Variants in RASL12 observed in about 807,000 individuals in gnomAD.
RASL12 encodes the protein ras-like protein family member 12.
A neutral mutation model predicts 22.9 loss-of-function variants in RASL12; 16 were observed. The ratio of observed to expected loss-of-function variants is 0.70; its 90% CI spans 0.47 to 1.06. The LOEUF (loss-of-function observed/expected upper bound fraction) is 1.06, where lower values mean the gene tolerates loss of function less well. Among genes scored for constraint, RASL12 ranks in the 50% least tolerant of loss-of-function variants. RASL12 has a pLI of 0.00. For missense variants in RASL12, 306 were observed against 353.1 expected (o/e 0.87, Z 1.07); for synonymous variants, 159 against 152.2 (o/e 1.04, Z -0.33).
rs1156785012 is a variant in RASL12, at chr15:65,053,603, A to G, written c.*1296T>C. 1.0e-6 allele frequency: 1 copy of G among 996,760 alleles called. No individual in the cohort carries two copies. 61.7% of individuals were successfully genotyped at this position (996,760 alleles called of 1,614,324 possible). On this transcript the variant is annotated 3_prime_UTR_variant, in exon 5 of 5. Coordinates refer to ENST00000220062, the MANE Select transcript of RASL12 (RefSeq NM_016563.4). ...GACTGGGTCAGAGATGCTGTTTGCAATCCAACAGTAGTCCTGAGACGGCTG... is the reference window on the plus strand; with the variant it reads ...GACTGGGTCAGAGATGCTGTTTGCAGTCCAACAGTAGTCCTGAGACGGCTG...
chr15:65,074,085 A>C (rs1465269757), intron 1 of RASL12, among the ~76,000 whole-genome samples: 1 of 151,398 alleles, frequency 6.6e-6, no homozygotes, highest in Admixed American at 6.6e-5. Context: ...TTTCAGGAAG[A>C]AAATTGAGAC....
At chr15:65,066,135 GAAAA>G (rs571504253) in intron 1 of RASL12, among the ~76,000 whole-genome samples, 7 of 137,416 alleles carry the variant, frequency 5.1e-5, no homozygotes, top group South Asian at 2.3e-4. Flanking sequence ...AAAGAAGAAA[GAAAA>G]AAAAGAAAGA....
At chr15:65,058,911 G>T (rs904457588) in intron 3 of RASL12, among the ~76,000 whole-genome samples, 9 of 152,272 alleles carry the variant, frequency 5.9e-5, no homozygotes, top group African/African-American at 2.2e-4. Context: ...GGGCACCACT[G>T]GTTTTGGGTT....
chr15:65,068,161 G>A, upstream of RASL12: 1 of 1,007,090 alleles, frequency 9.9e-7, no homozygotes. This position sits in a 1 kb window ranked among gnomAD's most constrained non-coding sequence, Gnocchi z 4.2. Flanking sequence ...GCTGGGCCTC[G>A]AGGACCCTGC....
At chr15:65,075,367 C>T (rs1356861811) in intron 1 of RASL12, among the ~76,000 whole-genome samples, 2 of 152,240 alleles carry the variant, frequency 1.3e-5, no homozygotes, top group African/African-American at 4.8e-5. Flanking sequence ...CCCTGCTCCA[C>T]GGTGCCCAGT....
chr15:65,050,928 T>C (rs1357788220), downstream of RASL12, among the ~76,000 whole-genome samples: 1 of 141,874 alleles, frequency 7.0e-6, no homozygotes, highest in Non-Finnish European at 1.5e-5. Context: ...CACTGCAAGC[T>C]CTGCCTCCTG....
upstream of RASL12, among the ~76,000 whole-genome samples, chr15:65,071,811 G>A (rs79332798): frequency 3.1e-4 from 47 of 152,188 alleles, no homozygotes; most frequent in East Asian, 8.3e-3. Flanking sequence ...GGCCCCCTGG[G>A]AGTCAGCCCT....
chr15:65,067,698 G>A (rs1566957109), intron 1 of RASL12, 35 bp downstream of exon 1: 1 of 1,522,616 alleles, frequency 6.6e-7, no homozygotes, highest in East Asian at 2.7e-5. Context: ...GCCCAGCTCC[G>A]CACTTGGCGG....
intron 1 of RASL12, among the ~76,000 whole-genome samples, chr15:65,066,179 G>A (rs2086877097): frequency 1.4e-5 from 2 of 146,596 alleles, no homozygotes; most frequent in South Asian, 2.2e-4. Context: ...AAGGAGGGAG[G>A]GAGGGAAAAG....
upstream of RASL12, among the ~76,000 whole-genome samples, chr15:65,068,450 G>A (rs761368497): frequency 6.6e-6 from 1 of 152,116 alleles, no homozygotes; most frequent in Non-Finnish European, 1.5e-5. The surrounding 1 kb of genome is among the most constrained non-coding windows in gnomAD (Gnocchi z 4.2). Flanking sequence ...CTTTGCTGTG[G>A]AGACTCTAGA....
In RASL12 at chr15:65,056,129, A is replaced by G. The variant is rs2086728388; in HGVS notation, c.426-855T>C. 2.6e-5 allele frequency among the ~76,000 whole-genome samples: 4 copies of G among 152,052 alleles called. No homozygotes were observed. The South Asian group carries it at 8.3e-4, about 32-fold the overall frequency. On this transcript the variant is annotated intron_variant, in intron 4 of 4. Transcript: ENST00000220062. ...GTCGGATGTCTACAAGAGGGAAGAG[A>G]TGGGGGGGTCCCTGAGATCTTGGGG...
upstream of RASL12, among the ~76,000 whole-genome samples, chr15:65,072,537 C>A (rs992022295): frequency 6.6e-6 from 1 of 152,208 alleles, no homozygotes; most frequent in African/African-American, 2.4e-5. Flanking sequence ...AGCTAAACAT[C>A]TGAATGGCAG....
downstream of RASL12, among the ~76,000 whole-genome samples, chr15:65,050,893 G>T (rs1205522369): frequency 1.5e-5 from 2 of 131,034 alleles, no homozygotes; most frequent in East Asian, 4.8e-4. Flanking sequence ...TGCCCAGGCT[G>T]GAGTGCAGTG....
At chr15:65,053,109 AAG>A (rs773595808), downstream of RASL12, 2 of 1,614,184 alleles carry the variant, frequency 1.2e-6, no homozygotes, top group Non-Finnish European at 1.7e-6. Flanking sequence ...CTTGAGTTAA[AAG>A]AGAGAGATGT....
chr15:65,056,198 G>A (rs2140516026), intron 4 of RASL12, among the ~76,000 whole-genome samples: 1 of 152,300 alleles, frequency 6.6e-6, no homozygotes, highest in South Asian at 2.1e-4. Flanking sequence ...CTGCTGAGCT[G>A]TCCCGCTGCC....
chr15:65,052,856 C>A, downstream of RASL12: 1 of 968,194 alleles, frequency 1.0e-6, no homozygotes. Context: ...TCTAGTAGCT[C>A]CCAAACTGCA....
intron 3 of RASL12, among the ~76,000 whole-genome samples, 188 bp from the exon 4 acceptor site, chr15:65,058,805 C>A (rs2086767624): frequency 6.6e-6 from 1 of 152,270 alleles, no homozygotes; most frequent in South Asian, 2.1e-4. Flanking sequence ...TCATGAACCT[C>A]CCTCCCACCA....
downstream of RASL12, chr15:65,050,113 G>T: frequency 6.5e-7 from 1 of 1,549,776 alleles, no homozygotes; most frequent in Non-Finnish European, 8.7e-7. Flanking sequence ...TAAGTGGTGA[G>T]AGATTGACGG....
At chr15:65,069,301 C>T (rs2086915078), upstream of RASL12, among the ~76,000 whole-genome samples, 1 of 152,234 alleles carries the variant, frequency 6.6e-6, no homozygotes, top group Non-Finnish European at 1.5e-5. Context: ...AGATTACACT[C>T]TCAGGCCAGA....
Sources: gnomAD v4.1 joint callset for allele counts (sites outside exome capture counted in the v4.1 genomes callset) on GRCh38, gnomAD v4.1.1 for gene constraint, Gnocchi (gnomAD v3.1) non-coding constraint, MANE v1.5 for transcripts, NCBI Gene and HGNC (gene_info 2026-07-23, HGNC 2026-07-21) for gene names.